The following STK32B variants were observed in gnomAD, a reference collection of about 807,000 sequenced individuals.
STK32B encodes serine/threonine-protein kinase 32B.
STK32B carries 43 observed loss-of-function variants against 52.6 expected under a neutral mutation model. The ratio of observed to expected loss-of-function variants is 0.82; its 90% confidence interval spans 0.64 to 1.05. The LOEUF is 1.05. Ranked by LOEUF, STK32B falls within the 50% of genes least tolerant of loss-of-function variation. The pLI is 0.00. For missense variants in STK32B, 621 were observed against 534.6 expected (o/e 1.16, Z -1.59); for synonymous variants, 238 against 204.3 (o/e 1.17, Z -1.41).
At chr4:5,368,737 A>G (rs903854914) in intron 4 of STK32B, among the ~76,000 whole-genome samples, 4 of 152,184 alleles carry the variant, frequency 2.6e-5, no homozygotes, top group African/African-American at 9.6e-5. Flanking sequence ...ACCTTCCTGC[A>G]GTTCCTGTCC....
intron 11 of STK32B, among the ~76,000 whole-genome samples, chr4:5,496,128 A>C (rs929517273): frequency 1.3e-5 from 2 of 152,326 alleles, no homozygotes; most frequent in African/African-American, 4.8e-5. Context: ...GGGACATTTA[A>C]GTCTGCAGAG....
chr4:5,448,504 C>T (rs988686817), intron 7 of STK32B, among the ~76,000 whole-genome samples: 7 of 152,242 alleles, frequency 4.6e-5, no homozygotes, highest in African/African-American at 1.2e-4. Context: ...CGTGACTGGG[C>T]TCCTGCCAAC....
intron 2 of STK32B, among the ~76,000 whole-genome samples, chr4:5,155,386 C>G (rs1560182444): frequency 6.6e-6 from 1 of 152,184 alleles, no homozygotes; most frequent in Non-Finnish European, 1.5e-5. Flanking sequence ...AGCAATGTTT[C>G]CTCTTGTTCG....
intron 3 of STK32B, among the ~76,000 whole-genome samples, chr4:5,318,411 A>T (rs1224401634): frequency 6.6e-6 from 1 of 152,144 alleles, no homozygotes; most frequent in Non-Finnish European, 1.5e-5. Context: ...GAGACTAGCA[A>T]GTGCAAAGAT....
chr4:5,190,276 AT>A (rs1721078516), intron 3 of STK32B, among the ~76,000 whole-genome samples: 1 of 152,176 alleles, frequency 6.6e-6, no homozygotes, highest in Non-Finnish European at 1.5e-5. Context: ...CATAGCTAAC[AT>A]TTATTAAGCA....
chr4:5,425,206 A>G (rs1463604858), intron 6 of STK32B, among the ~76,000 whole-genome samples: 1 of 152,192 alleles, frequency 6.6e-6, no homozygotes, highest in Non-Finnish European at 1.5e-5. Context: ...TGCCAGGCCA[A>G]GTGAGCAGAA....
intron 3 of STK32B, among the ~76,000 whole-genome samples, chr4:5,173,398 C>G (rs150176051): frequency 0.2 from 30,079 of 151,072 alleles, 3,590 homozygotes; most frequent in East Asian, 0.36. Flanking sequence ...GTGATGTTAG[C>G]GTGTCAATTT....
Position 5,168,804 on chromosome 4 carries a change from G to A in STK32B, c.260+354G>A, listed in dbSNP as rs114377432. Reference sequence around the variant, plus strand: ...AGAAAGTCACAGCCATACAGCTGATGGCAGGAAGGGCAACTGGAAACCAGT... The same window carrying A: ...AGAAAGTCACAGCCATACAGCTGATAGCAGGAAGGGCAACTGGAAACCAGT... On this transcript the variant is annotated intron_variant, in intron 3 of 11. Coordinates refer to ENST00000282908, the MANE Select transcript of STK32B (RefSeq NM_018401.3). 1.2e-3 allele frequency among the ~76,000 whole-genome samples: 179 copies of A among 152,316 alleles called. 2 individuals are homozygous for A. Among genetic ancestry groups the A allele is most frequent in the African/African-American group, 4.2e-3 (175 of 41,564 alleles).
chr4:5,335,200 TC>T (rs1283690848), intron 4 of STK32B, among the ~76,000 whole-genome samples: 1 of 152,226 alleles, frequency 6.6e-6, no homozygotes, highest in East Asian at 1.9e-4. Context: ...CCTGGTTTAG[TC>T]TTGGGAGGGT....
At chr4:5,183,578 C>T (rs2108755564) in intron 3 of STK32B, among the ~76,000 whole-genome samples, 1 of 152,190 alleles carries the variant, frequency 6.6e-6, no homozygotes, top group South Asian at 2.1e-4. Flanking sequence ...AATACTTGTA[C>T]GAAGTGAGAT....
chr4:5,398,336 G>C lies in STK32B; in HGVS notation c.472+92G>C, dbSNP rs1380811435. The stretch of plus-strand genomic sequence containing the variant: ...GGGGGTGGGGGTTGGGTCTTGCTGA[G>C]TTGGACATTAGCATTGGCTAGAAAC... On this transcript the variant is annotated intron_variant, in intron 5 of 11. Transcript: ENST00000282908. This position sits in a 1 kb window ranked among gnomAD's most constrained non-coding sequence, Gnocchi z 4.9. 7.3e-7 allele frequency: 1 copy of C among 1,364,774 alleles called. No homozygotes were observed. Among genetic ancestry groups the C allele is most frequent in the East Asian group, 2.3e-5 (1 of 43,460 alleles). The allele number at this position is 1,364,774 out of a possible 1,614,324, so 84.5% of individuals were successfully genotyped here.
In STK32B at chr4:5,403,237, C is replaced by T. The variant is rs556586130; in HGVS notation, c.472+4993C>T. 7.2e-5 allele frequency among the ~76,000 whole-genome samples: 11 copies of T among 152,252 alleles called. No homozygotes were observed. In the South Asian group the frequency reaches 2.1e-3, roughly 29 times the overall value. On this transcript the variant is annotated intron_variant, in intron 5 of 11. Coordinates refer to ENST00000282908, the MANE Select transcript of STK32B (RefSeq NM_018401.3). ...ACCCCCAACACCTCCTTTATCCGCTCTCCTAGGAATTTTATGTTCCAGGCC... is the reference window on the plus strand; with the variant it reads ...ACCCCCAACACCTCCTTTATCCGCTTTCCTAGGAATTTTATGTTCCAGGCC...
intron 3 of STK32B, among the ~76,000 whole-genome samples, chr4:5,298,493 G>C (rs963870374): frequency 2.6e-5 from 4 of 152,138 alleles, no homozygotes; most frequent in African/African-American, 9.7e-5. Context: ...CCGGTGAGGA[G>C]GAATCTAGAG....
At chr4:5,109,819 T>C (rs1056051509) in intron 1 of STK32B, among the ~76,000 whole-genome samples, 2 of 151,990 alleles carry the variant, frequency 1.3e-5, no homozygotes. Flanking sequence ...AAAGATGAAG[T>C]CAAATTATCT....
At chr4:5,387,118 C>T (rs1374649119) in intron 4 of STK32B, among the ~76,000 whole-genome samples, 2 of 152,216 alleles carry the variant, frequency 1.3e-5, no homozygotes, top group Non-Finnish European at 2.9e-5. Flanking sequence ...TCACAATTAA[C>T]TATGATTAAC....
intron 1 of STK32B, among the ~76,000 whole-genome samples, chr4:5,096,961 G>T (rs759842524): frequency 1.3e-5 from 2 of 152,174 alleles, no homozygotes; most frequent in Non-Finnish European, 2.9e-5. Flanking sequence ...TAGGAGGTAA[G>T]ACTATTTATT....
chr4:5,178,979 C>T (rs116132946), intron 3 of STK32B, among the ~76,000 whole-genome samples: 2,217 of 152,282 alleles, frequency 0.015, 27 homozygotes, highest in Middle Eastern at 0.031. Context: ...ATAGCGGTGC[C>T]TTACTGCCTC....
chr4:5,278,361 C>T (rs1379338075), intron 3 of STK32B, among the ~76,000 whole-genome samples: 1 of 152,176 alleles, frequency 6.6e-6, no homozygotes. Context: ...GAGCTGGTCT[C>T]AGTTATGTTG....
At chr4:5,243,445 C>T (rs1367127516) in intron 3 of STK32B, among the ~76,000 whole-genome samples, 2 of 152,184 alleles carry the variant, frequency 1.3e-5, no homozygotes, top group Non-Finnish European at 2.9e-5. Flanking sequence ...TCAGACTTTG[C>T]TGAAGTTGCT....
Sources: gnomAD v4.1 joint callset for allele counts (sites outside exome capture counted in the v4.1 genomes callset) on GRCh38, gnomAD v4.1.1 for gene constraint, Gnocchi (gnomAD v3.1) non-coding constraint, MANE v1.5 for transcripts, NCBI Gene and HGNC (gene_info 2026-07-23, HGNC 2026-07-21) for gene names.